The following MEGF8 variants were observed in gnomAD, a reference collection of about 807,000 sequenced individuals.
MEGF8 encodes the protein multiple EGF like domains 8.
In MEGF8, 156 loss-of-function variants were observed where a neutral mutation model predicts 302.9. That is an observed-to-expected ratio of 0.52 (90% CI 0.45 to 0.59). The LOEUF (loss-of-function observed/expected upper bound fraction) is 0.59, where lower values mean the gene tolerates loss of function less well. Among genes scored for constraint, MEGF8 ranks in the 20% least tolerant of loss-of-function variants. The pLI is 0.00. For missense variants in MEGF8, 3,345 were observed against 3,964.5 expected (o/e 0.84, Z 4.20); for synonymous variants, 1,621 against 1,660.5 (o/e 0.98, Z 0.58).
At chr19:42,372,809 A>T (rs1465461239) in intron 41 of MEGF8, among the ~76,000 whole-genome samples, 1 of 151,898 alleles carries the variant, frequency 6.6e-6, no homozygotes, top group Non-Finnish European at 1.5e-5. Flanking sequence ...AGTAGCTGGG[A>T]CTACAGGCGT....
chr19:42,364,483 T>C (rs964005496), intron 35 of MEGF8, among the ~76,000 whole-genome samples: 2 of 151,636 alleles, frequency 1.3e-5, no homozygotes, highest in Non-Finnish European at 2.9e-5. Flanking sequence ...CAGACACTAG[T>C]AGACAACAGT....
intron 15 of MEGF8, 54 bp downstream of exon 15, chr19:42,350,438 A>G: frequency 7.0e-7 from 1 of 1,423,134 alleles, no homozygotes. Context: ...CACAGCAGGC[A>G]ATGGGCAGTC....
intron 35 of MEGF8, among the ~76,000 whole-genome samples, chr19:42,366,036 C>T (rs981931300): frequency 3.3e-5 from 5 of 149,312 alleles, no homozygotes; most frequent in Non-Finnish European, 5.9e-5. Flanking sequence ...GAACTGAGAT[C>T]GCACCACTGT....
intron 1 of MEGF8, among the ~76,000 whole-genome samples, chr19:42,333,282 G>T (rs1017731857): frequency 6.6e-6 from 1 of 152,226 alleles, no homozygotes; most frequent in Non-Finnish European, 1.5e-5. Context: ...TCTGCTCTGT[G>T]TGGCCACTGG....
rs1372410745 is a variant in MEGF8, at chr19:42,356,967, T to C, written c.4816T>C (p.Trp1606Arg). 9 of 1,603,316 alleles carry C rather than the reference T, an allele frequency of 5.6e-6. No homozygotes were observed. The highest frequency in any genetic ancestry group is 6.8e-6 in the Non-Finnish European group (8 of 1,175,426). ...FWVLNLTTLQ[W>R]RQEKAPQTVE... is the part of the protein sequence containing the mutation. ...GGTCCTCAACCTCACCACCCTGCAATGGCGGCAGGAGAAGGTGAGCATCTC... is the reference window on the plus strand; with the variant it reads ...GGTCCTCAACCTCACCACCCTGCAACGGCGGCAGGAGAAGGTGAGCATCTC... The change falls in exon 27 of 42, where the codon TGG (tryptophan) becomes CGG (arginine). Residue 1606 changes from tryptophan to arginine, a missense_variant. By Grantham distance (101) the Trp-to-Arg change is moderately radical. Transcript: ENST00000251268. The surrounding 1 kb of genome is among the most constrained non-coding windows in gnomAD (Gnocchi z 5.2).
chr19:42,355,933 T>C lies in MEGF8; in HGVS notation c.4320T>C (p.Ala1440=), dbSNP rs1460372959. 8.1e-6 allele frequency: 13 copies of C among 1,607,778 alleles called. No individual in the cohort carries two copies. The highest frequency in any genetic ancestry group is 1.1e-5 in the Non-Finnish European group (13 of 1,177,802). The change falls in exon 24 of 42, where the codon GCT becomes GCC. Residue 1440 remains alanine, a synonymous_variant. Transcript: ENST00000251268. Reference sequence around the variant, plus strand: ...TCTGCCGATGTCCTCAGGGCTGGGCTGGCCCACACTGCCGCATGGCTCTGT... The same window carrying C: ...TCTGCCGATGTCCTCAGGGCTGGGCCGGCCCACACTGCCGCATGGCTCTGT... ...AGLCRCPQGW[A]GPHCRMALCP...
At chr19:42,355,313 A>G (rs1436874840) in intron 23 of MEGF8, among the ~76,000 whole-genome samples, 1 of 152,148 alleles carries the variant, frequency 6.6e-6, no homozygotes, top group South Asian at 2.1e-4. Context: ...ATATCAAGTA[A>G]TTCCTGTCAC....
At chr19:42,364,678 C>G (rs1350106646) in intron 35 of MEGF8, among the ~76,000 whole-genome samples, 1 of 152,198 alleles carries the variant, frequency 6.6e-6, no homozygotes, top group Non-Finnish European at 1.5e-5. Flanking sequence ...GTTTGCCTTG[C>G]GATCAAAAGC....
In MEGF8 at chr19:42,375,918, C is replaced by T. The variant is rs748884146; in HGVS notation, c.7681C>T (p.Pro2561Ser). 13 of 1,599,294 alleles carry T rather than the reference C, an allele frequency of 8.1e-6. No individual in the cohort carries two copies. The highest frequency in any genetic ancestry group is 1.0e-5 in the Non-Finnish European group (12 of 1,172,602). The change falls in exon 42 of 42, where the codon CCA becomes TCA. Residue 2561 changes from proline to serine, a missense_variant. Physicochemically the swap from Pro to Ser is moderately conservative, Grantham distance 74. Transcript: ENST00000251268. The surrounding 1 kb of genome is among the most constrained non-coding windows in gnomAD (Gnocchi z 7.1). ...GAGASSGPGA[P>S]AEPRVREVWP... ...AGGGGCCAGCAGTGGGCCGGGCGCCCCAGCAGAGCCACGGGTACGGGAGGT... is the reference window on the plus strand; with the variant it reads ...AGGGGCCAGCAGTGGGCCGGGCGCCTCAGCAGAGCCACGGGTACGGGAGGT...
chr19:42,360,805 A>C lies in MEGF8; in HGVS notation c.5519A>C (p.Glu1840Ala), dbSNP rs1323424925. ...GCCTCTGTGGGGCCCCCAATGGAGGAGTCTGTGGCCCATGCTGTGGCAGCA... is the reference window on the plus strand; with the variant it reads ...GCCTCTGTGGGGCCCCCAATGGAGGCGTCTGTGGCCCATGCTGTGGCAGCA... ...RSASVGPPME[E>A]SVAHAVAAVG... Residue 1840 changes from glutamate (E) to alanine (A), a missense_variant, in exon 32 of 42, where the codon GAG becomes GCG. Transcript: ENST00000251268. 6.2e-7 allele frequency: 1 copy of C among 1,601,490 alleles called. No homozygotes were observed. The highest frequency in any genetic ancestry group is 1.3e-5 in the African/African-American group (1 of 74,802).
chr19:42,346,243 A>G (rs968972527), intron 12 of MEGF8, among the ~76,000 whole-genome samples: 3 of 152,186 alleles, frequency 2.0e-5, no homozygotes, highest in Non-Finnish European at 2.9e-5. Context: ...ACATGGTTCA[A>G]AAATCACAGT....
At position 42,337,195 on chromosome 19, in the gene MEGF8, G is replaced by C; in HGVS notation, c.1502G>C (p.Gly501Ala). 1 of 1,613,742 alleles carries C rather than the reference G, an allele frequency of 6.2e-7. No homozygotes were observed. Among genetic ancestry groups the C allele is most frequent in the African/African-American group, 1.3e-5 (1 of 75,046 alleles). ...WVSGAELAPP[G>A]TPEGRAAPPS... ...TCAGGAGCTGAGCTTGCCCCGCCAGGAACCCCTGAGGGTGAGTGGTCCCTG... is the reference window on the plus strand; with the variant it reads ...TCAGGAGCTGAGCTTGCCCCGCCAGCAACCCCTGAGGGTGAGTGGTCCCTG... The change falls in exon 8 of 42, where the codon GGA becomes GCA. Residue 501 changes from glycine (G) to alanine (A), a missense_variant. Transcript: ENST00000251268.
At chr19:42,327,364 A>G (rs114139468) in intron 1 of MEGF8, among the ~76,000 whole-genome samples, 10 of 152,338 alleles carry the variant, frequency 6.6e-5, no homozygotes, top group African/African-American at 2.4e-4. Context: ...GTGAGAGACA[A>G]GAGTGGTCTT....
rs913867607 is a variant in MEGF8 at position 42,369,174 on chromosome 19, G to A, written c.6641+172G>A. ...GAGTGGTGAGGCTGAGCAGGGAAGA[G>A]TGAGTTTCATAGGGTACCCCAATGG... On this transcript the variant is annotated intron_variant, in intron 37 of 41. Transcript: ENST00000251268. The surrounding 1 kb of genome is among the most constrained non-coding windows in gnomAD (Gnocchi z 5.7). Among the ~76,000 whole-genome samples, 3 of 152,196 alleles carry A rather than the reference G, an allele frequency of 2.0e-5. No individual in the cohort carries two copies. The highest frequency in any genetic ancestry group is 4.4e-5 in the Non-Finnish European group (3 of 68,030).
intron 35 of MEGF8, among the ~76,000 whole-genome samples, chr19:42,364,068 C>T (rs927007422): frequency 1.3e-5 from 2 of 152,170 alleles, no homozygotes; most frequent in Admixed American, 6.5e-5. Context: ...GCTAGGAGCA[C>T]GTGGTTCAAA....
In MEGF8 at chr19:42,357,281, C is replaced by CT; in HGVS notation, c.4831-122dup. 7.9e-7 allele frequency: 1 copy of CT among 1,258,438 alleles called. No individual in the cohort carries two copies. The highest frequency in any genetic ancestry group is 1.5e-5 in the African/African-American group (1 of 67,352). The allele number at this position is 1,258,438 out of a possible 1,614,324, so 78.0% of individuals were successfully genotyped here. On this transcript the variant is annotated intron_variant, in intron 27 of 41. Coordinates refer to ENST00000251268, the MANE Select transcript of MEGF8 (RefSeq NM_001271938.2). This position sits in a 1 kb window ranked among gnomAD's most constrained non-coding sequence, Gnocchi z 5.2. Reference sequence around the variant, plus strand: ...AGGACCCAGGCTGGTCCGACTGGCCCTGGGGGGGTCATTCCCTCCTTAGTA... The same window carrying CT: ...AGGACCCAGGCTGGTCCGACTGGCCCTTGGGGGGGTCATTCCCTCCTTAGTA...
rs371840641 is a variant in MEGF8 at position 42,362,457 on chromosome 19, C to T, written c.5918C>T (p.Thr1973Ile). 3.1e-6 allele frequency: 5 copies of T among 1,613,888 alleles called. No homozygotes were observed. The African/African-American group carries it at 4.0e-5, about 13-fold the overall frequency. ...TGCATTGGACGCAATGGGTCCTGCA[C>T]CTCTGAGAATGACTGTCGGATCAAC... ...GACIGRNGSCTSENDCRINQR... is the reference protein window; with the variant it reads ...GACIGRNGSCISENDCRINQR... Residue 1973 changes from threonine (T) to isoleucine (I), a missense_variant, in exon 34 of 42, where the codon ACC becomes ATC. Physicochemically the swap from Thr to Ile is moderately conservative, Grantham distance 89. Coordinates refer to ENST00000251268, the MANE Select transcript of MEGF8 (RefSeq NM_001271938.2).
At position 42,375,990 on chromosome 19, in the gene MEGF8, G is replaced by A; in HGVS notation, c.7753G>A (p.Ala2585Thr). The part of the protein sequence containing the change: ...ITYVTVTEPS[A>T]VLVVRGVRDR... The stretch of plus-strand genomic sequence containing the variant: ...CTACGTGACGGTGACGGAGCCGTCG[G>A]CAGTGCTGGTGGTCCGCGGCGTGCG... The change falls in exon 42 of 42, where the codon GCA (alanine) becomes ACA (threonine). Residue 2585 changes from alanine to threonine, a missense_variant. Transcript: ENST00000251268. The surrounding 1 kb of genome is among the most constrained non-coding windows in gnomAD (Gnocchi z 7.1). 6.2e-7 allele frequency: 1 copy of A among 1,607,042 alleles called. No homozygotes were observed. Among genetic ancestry groups the A allele is most frequent in the Non-Finnish European group, 8.5e-7 (1 of 1,178,090 alleles).
At chr19:42,342,190 C>T (rs968372790) in intron 8 of MEGF8, among the ~76,000 whole-genome samples, 5 of 152,218 alleles carry the variant, frequency 3.3e-5, no homozygotes, top group Non-Finnish European at 7.3e-5. Flanking sequence ...CTTCCTGCTT[C>T]GCAGTTTGTG....
Sources: allele counts gnomAD v4.1 joint callset (sites outside exome capture counted in the v4.1 genomes callset), GRCh38; gene constraint gnomAD v4.1.1; non-coding constraint Gnocchi (gnomAD v3.1); transcripts MANE v1.5; gene names NCBI Gene and HGNC (gene_info 2026-07-23, HGNC 2026-07-21).